Variants in TRIO observed in about 807,000 individuals in gnomAD.
TRIO encodes the protein trio Rho guanine nucleotide exchange factor, also known as triple functional domain protein.
In TRIO, 58 loss-of-function variants were observed where a neutral mutation model predicts 351.9. The observed-to-expected ratio is 0.16, with a 90% CI of 0.13 to 0.21. The LOEUF (loss-of-function observed/expected upper bound fraction) is 0.21. Among genes scored for constraint, TRIO ranks in the 10% least tolerant of loss-of-function variants. The pLI is 1.00. For synonymous variants in TRIO, 1,758 were observed against 1,595.7 expected (o/e 1.10, Z -2.42); for missense variants, 3,201 against 4,027.8 (o/e 0.79, Z 5.56).
intron 1 of TRIO, among the ~76,000 whole-genome samples, chr5:14,255,385 A>G (rs1303541196): frequency 2.0e-5 from 3 of 152,244 alleles, no homozygotes; most frequent in Non-Finnish European, 4.4e-5. Flanking sequence ...AGACAAAACA[A>G]ATGTTCACTT....
intron 38 of TRIO, 99 bp from the exon 39 acceptor site, chr5:14,472,493 A>AT: frequency 8.1e-7 from 1 of 1,231,422 alleles, no homozygotes. Flanking sequence ...ATACATTACT[A>AT]TTCAGTCCTG....
intron 6 of TRIO, among the ~76,000 whole-genome samples, chr5:14,295,824 G>T (rs1737314532): frequency 6.6e-6 from 1 of 152,166 alleles, no homozygotes; most frequent in Non-Finnish European, 1.5e-5. Context: ...GCCTCTTTCT[G>T]CGACTCCAGA....
intron 34 of TRIO, among the ~76,000 whole-genome samples, chr5:14,445,383 C>T (rs950200179): frequency 2.6e-5 from 4 of 152,224 alleles, no homozygotes; most frequent in Non-Finnish European, 4.4e-5. Context: ...GGAAAACTCC[C>T]AGACAGAGCG....
intron 9 of TRIO, among the ~76,000 whole-genome samples, chr5:14,328,549 A>G (rs1740621144): frequency 6.6e-6 from 1 of 152,288 alleles, no homozygotes; most frequent in Non-Finnish European, 1.5e-5. Flanking sequence ...TACTCTAGTT[A>G]AAATAATGTA....
At chr5:14,184,565 G>A (rs1402144300) in intron 1 of TRIO, among the ~76,000 whole-genome samples, 5 of 152,202 alleles carry the variant, frequency 3.3e-5, no homozygotes, top group East Asian at 1.9e-4. Context: ...TGCTATGGAC[G>A]AGTCTAATTT....
chr5:14,363,772 A>G lies in TRIO; in HGVS notation c.2432A>G (p.Gln811Arg), dbSNP rs201842997. The G allele has an allele frequency of 1.2e-6, 2 of 1,614,176 alleles. No individual in the cohort carries two copies. Among genetic ancestry groups the G allele is most frequent in the Non-Finnish European group, 1.7e-6 (2 of 1,180,006 alleles). Residue 811 changes from glutamine (Q) to arginine (R), a missense_variant, in exon 14 of 57, where the codon CAG (glutamine) becomes CGG (arginine). This residue lies in a region of TRIO where 363 missense variants were observed against 553.5 expected (regional missense o/e 0.66). Transcript: ENST00000344204. The stretch of plus-strand genomic sequence containing the variant: ...GAGTCTTGGAATGATGAGCTTTCTC[A>G]GCAAATGAATGACTTCGACACAGAA... ...DLESWNDELSQQMNDFDTEDL... is the reference protein window; with the variant it reads ...DLESWNDELSRQMNDFDTEDL...
intron 15 of TRIO, among the ~76,000 whole-genome samples, chr5:14,365,668 G>A (rs1024685316): frequency 6.6e-6 from 1 of 152,210 alleles, no homozygotes; most frequent in Non-Finnish European, 1.5e-5. Context: ...TATCCCTTAG[G>A]ATTCACCTTT....
At chr5:14,211,804 A>G (rs1017893274) in intron 1 of TRIO, among the ~76,000 whole-genome samples, 2 of 152,028 alleles carry the variant, frequency 1.3e-5, no homozygotes, top group African/African-American at 4.8e-5. Context: ...AAAGAGAAAT[A>G]TAGTAGATTA....
intron 8 of TRIO, among the ~76,000 whole-genome samples, chr5:14,305,545 C>A (rs961715423): frequency 5.9e-5 from 9 of 152,208 alleles, no homozygotes; most frequent in African/African-American, 2.2e-4. Context: ...TTTCACAGCA[C>A]CTGGAAGAGT....
chr5:14,358,498 C>T (rs999379097), intron 12 of TRIO, 151 bp downstream of exon 12: 20 of 786,390 alleles, frequency 2.5e-5, no homozygotes, highest in African/African-American at 1.2e-4. Flanking sequence ...GAGAGAGAAA[C>T]GGCTCTCTTC....
chr5:14,492,769 G>T lies in TRIO; in HGVS notation c.7835G>T (p.Gly2612Val). The T allele has an allele frequency of 6.2e-7, 1 of 1,614,158 alleles. No individual in the cohort carries two copies. The highest frequency in any genetic ancestry group is 8.5e-7 in the Non-Finnish European group (1 of 1,180,042). The part of the protein sequence containing the change: ...AEGWIPGFVL[G>V]HTSAVIVENP... The stretch of plus-strand genomic sequence containing the variant: ...GGCTGGATTCCAGGCTTTGTCCTGG[G>T]CCACACCAGTGCAGTCATCGTGGAG... The change falls in exon 49 of 57, where the codon GGC (glycine) becomes GTC (valine). Residue 2612 changes from glycine (G) to valine (V), a missense_variant. Gly to Val is a moderately radical substitution (Grantham distance 109). Transcript: ENST00000344204.
intron 49 of TRIO, among the ~76,000 whole-genome samples, chr5:14,494,671 G>C (rs1377288198): frequency 6.6e-6 from 1 of 152,208 alleles, no homozygotes; most frequent in Non-Finnish European, 1.5e-5. Flanking sequence ...AGCCAAGGCG[G>C]GTGGATCACC....
chr5:14,398,759 T>A (rs1747823351), intron 29 of TRIO, 121 bp from the exon 30 acceptor site: 5 of 938,540 alleles, frequency 5.3e-6, no homozygotes, highest in East Asian at 5.2e-5. Flanking sequence ...GATGGGAAAC[T>A]CTTATCTAGG....
At chr5:14,383,788 C>T (rs1746320918) in intron 21 of TRIO, among the ~76,000 whole-genome samples, 2 of 152,258 alleles carry the variant, frequency 1.3e-5, no homozygotes, top group Non-Finnish European at 2.9e-5. Flanking sequence ...TGGAGATGTC[C>T]TTTGATTTTT....
At chr5:14,467,967 T>TA (rs1255064878) in intron 37 of TRIO, among the ~76,000 whole-genome samples, 2 of 152,208 alleles carry the variant, frequency 1.3e-5, no homozygotes, top group Non-Finnish European at 2.9e-5. Context: ...AACTTTTTTT[T>TA]AAAAGCCATT....
chr5:14,228,184 G>A (rs1200445362), intron 1 of TRIO, among the ~76,000 whole-genome samples: 1 of 152,218 alleles, frequency 6.6e-6, no homozygotes, highest in Non-Finnish European at 1.5e-5. Context: ...GCCTGGTTAG[G>A]CTTGGGGGAA....
In TRIO at chr5:14,492,415, G is replaced by A. The variant is rs1452015054; in HGVS notation, c.7633-152G>A. 7.2e-6 allele frequency: 7 copies of A among 976,306 alleles called. No homozygotes were observed. The South Asian group carries it at 8.5e-5, about 12-fold the overall frequency. The allele number at this position is 976,306 out of a possible 1,614,324, so 60.5% of individuals were successfully genotyped here. On this transcript the variant is annotated intron_variant, in intron 48 of 56. Coordinates refer to ENST00000344204, the MANE Select transcript of TRIO (RefSeq NM_007118.4). Reference sequence around the variant, plus strand: ...ATAGATGCACACAGTTAGCCAGAGGGTAAAGGAAATGTTGAAAATTTCTCG... The same window carrying A: ...ATAGATGCACACAGTTAGCCAGAGGATAAAGGAAATGTTGAAAATTTCTCG...
rs1737441913 is a variant in TRIO, at chr5:14,297,240, A to G, written c.1345A>G (p.Ile449Val). 1 of 1,613,960 alleles carries G rather than the reference A, an allele frequency of 6.2e-7. No homozygotes were observed. Among genetic ancestry groups the G allele is most frequent in the Non-Finnish European group, 8.5e-7 (1 of 1,179,934 alleles). The change falls in exon 7 of 57, where the codon ATT (isoleucine) becomes GTT (valine). Residue 449 changes from isoleucine (I) to valine (V), a missense_variant. By Grantham distance (29) the Ile-to-Val change is conservative. Coordinates refer to ENST00000344204, the MANE Select transcript of TRIO (RefSeq NM_007118.4). ...GAGCACCTTGCTGGACATGTCCTCCATTTTCCACCAGAAGGCCGAAAAGGT... is the reference window on the plus strand; with the variant it reads ...GAGCACCTTGCTGGACATGTCCTCCGTTTTCCACCAGAAGGCCGAAAAGGT... ...ERSTLLDMSS[I>V]FHQKAEKYMS...
chr5:14,500,233 C>T (rs942784597), intron 53 of TRIO, among the ~76,000 whole-genome samples: 6 of 152,036 alleles, frequency 3.9e-5, no homozygotes, highest in African/African-American at 1.4e-4. Flanking sequence ...TGAGAGAAGC[C>T]ACTTTGTTTG....
Sources: gnomAD v4.1 joint callset for allele counts (sites outside exome capture counted in the v4.1 genomes callset) on GRCh38, gnomAD v4.1.1 for gene constraint, gnomAD v4.1.1 regional missense constraint, MANE v1.5 for transcripts, NCBI Gene and HGNC (gene_info 2026-07-23, HGNC 2026-07-21) for gene names.